ETHE1: variants seen among roughly 807,000 people sequenced by gnomAD.
ETHE1 encodes persulfide dioxygenase ETHE1, mitochondrial.
A neutral mutation model predicts 25.7 loss-of-function variants in ETHE1; 16 were observed. That is an observed-to-expected ratio of 0.62 (90% CI 0.42 to 0.95). The LOEUF (loss-of-function observed/expected upper bound fraction) is 0.95, where lower values mean the gene tolerates loss of function less well. Among genes scored for constraint, ETHE1 ranks in the 40% least tolerant of loss-of-function variants. The pLI, the probability that ETHE1 is intolerant of heterozygous loss-of-function variation, is 0.00. For synonymous variants in ETHE1, 139 were observed against 135.9 expected (o/e 1.02, Z -0.16); for missense variants, 300 against 333.6 (o/e 0.90, Z 0.79).
chr19:43,515,611 G>A (rs1972004108), intron 3 of ETHE1, among the ~76,000 whole-genome samples: 1 of 152,024 alleles, frequency 6.6e-6, no homozygotes, highest in African/African-American at 2.4e-5. Context: ...GTCTGGCTCT[G>A]TCACCCAGAC....
intron 3 of ETHE1, among the ~76,000 whole-genome samples, chr19:43,521,727 G>A (rs1972142733): frequency 6.6e-6 from 1 of 151,582 alleles, no homozygotes; most frequent in Non-Finnish European, 1.5e-5. Context: ...ACTTAAATTT[G>A]TCCCATCTTT....
chr19:43,508,167 C>G, intron 5 of ETHE1, 107 bp from the exon 6 acceptor site: 1 of 1,526,414 alleles, frequency 6.6e-7, no homozygotes, highest in Non-Finnish European at 8.8e-7. Flanking sequence ...GGGGCTCTTC[C>G]CAGAATATTC....
chr19:43,508,668 G>A, intron 5 of ETHE1, 107 bp downstream of exon 5: 1 of 993,476 alleles, frequency 1.0e-6, no homozygotes, highest in South Asian at 1.4e-5. Context: ...TTTTTGGCCA[G>A]AGAAATTTCT....
intron 4 of ETHE1, among the ~76,000 whole-genome samples, chr19:43,509,247 A>G (rs1259748926): frequency 1.3e-5 from 2 of 152,200 alleles, no homozygotes; most frequent in Non-Finnish European, 2.9e-5. Context: ...CTGTAATCCT[A>G]GCACTTTGGG....
Position 43,527,083 on chromosome 19 carries a change from C to T in ETHE1, c.81+14G>A. ...AGTGCCCAGCAGTCCCCTCCTAGGT[C>T]CAGCCACCCGCACCTGCCGCAGGAG... On this transcript the variant is annotated intron_variant, in intron 1 of 6. Transcript: ENST00000292147. The T allele has an allele frequency of 1.3e-6, 2 of 1,550,060 alleles. No homozygotes were observed. Among genetic ancestry groups the T allele is most frequent in the Non-Finnish European group, 1.7e-6 (2 of 1,150,516 alleles).
At chr19:43,523,263 C>T (rs1354985457) in intron 3 of ETHE1, among the ~76,000 whole-genome samples, 3 of 152,026 alleles carry the variant, frequency 2.0e-5, no homozygotes, top group Admixed American at 6.6e-5. Flanking sequence ...GTTAACAACT[C>T]GGTTTTGTTT....
In ETHE1 at chr19:43,526,679, G is replaced by T. The variant is rs770274819; in HGVS notation, c.82-20C>A. 1 of 1,612,720 alleles carries T rather than the reference G, an allele frequency of 6.2e-7. No homozygotes were observed. The highest frequency in any genetic ancestry group is 8.5e-7 in the Non-Finnish European group (1 of 1,180,020). On this transcript the variant is annotated intron_variant, in intron 1 of 6. Transcript: ENST00000292147. ...GAACATCTGGGAACGGGGGACCCAG[G>T]TGAGGGCGCAGAACCGGACTTCCAC...
At chr19:43,508,909 G>T in intron 4 of ETHE1, 45 bp from the exon 5 acceptor site, 1 of 1,421,444 alleles carries the variant, frequency 7.0e-7, no homozygotes, top group Non-Finnish European at 9.8e-7. Flanking sequence ...CAGGACAGAA[G>T]ACTCTAACCC....
intron 6 of ETHE1, 44 bp from the exon 7 acceptor site, chr19:43,506,946 A>C (rs371701045): frequency 1.4e-5 from 22 of 1,602,496 alleles, no homozygotes; most frequent in Middle Eastern, 1.7e-4. Flanking sequence ...GCCTAGGTAG[A>C]GTTCCAGGCC....
rs1334886981 is a variant in ETHE1, at chr19:43,508,153, G to A, written c.596-93C>T. ...CCCAGGAGGCCTTGGGTGCCTCTCTGGCAGGGGCTCTTCCCAGAATATTCC... is the reference window on the plus strand; with the variant it reads ...CCCAGGAGGCCTTGGGTGCCTCTCTAGCAGGGGCTCTTCCCAGAATATTCC... On this transcript the variant is annotated intron_variant, in intron 5 of 6. Transcript: ENST00000292147. The A allele has an allele frequency of 3.8e-5, 59 of 1,569,032 alleles. No homozygotes were observed. In the East Asian group the frequency reaches 1.2e-3, roughly 32 times the overall value.
At chr19:43,525,159 A>G (rs998418460) in intron 3 of ETHE1, among the ~76,000 whole-genome samples, 2 of 152,018 alleles carry the variant, frequency 1.3e-5, no homozygotes, top group Admixed American at 6.6e-5. Context: ...AGAAAGAAAA[A>G]AAAAAAACAC....
chr19:43,507,356 T>G (rs555949256), intron 6 of ETHE1, among the ~76,000 whole-genome samples: 2 of 22,256 alleles, frequency 9.0e-5, no homozygotes, highest in Non-Finnish European at 1.7e-4. Flanking sequence ...AGGTCCCCAG[T>G]CCCTCCTCCC....
At chr19:43,526,799 C>T in intron 1 of ETHE1, 140 bp from the exon 2 acceptor site, 3 of 1,522,508 alleles carry the variant, frequency 2.0e-6, no homozygotes, top group Non-Finnish European at 2.7e-6. Flanking sequence ...AGTCGGGAGT[C>T]CGGAGCCCCA....
intron 3 of ETHE1, among the ~76,000 whole-genome samples, chr19:43,519,014 T>G (rs1388476937): frequency 1.0e-5 from 1 of 98,686 alleles, no homozygotes; most frequent in Non-Finnish European, 2.1e-5. Flanking sequence ...TTTTTTTTTT[T>G]TTTTTTTTTT....
intron 3 of ETHE1, among the ~76,000 whole-genome samples, chr19:43,512,296 GAC>G (rs1250262464): frequency 6.6e-6 from 1 of 152,180 alleles, no homozygotes; most frequent in Admixed American, 6.6e-5. Flanking sequence ...CTCAGAAGAA[GAC>G]AGAAAAATGT....
At chr19:43,518,999 G>GTTTTTTTTTTTTTTTTTTTTTTTTTT (rs71169253) in intron 3 of ETHE1, among the ~76,000 whole-genome samples, 2 of 91,012 alleles carry the variant, frequency 2.2e-5, no homozygotes, top group South Asian at 3.9e-4. Flanking sequence ...ATTTGTGCTT[G>GTTTTTTTTTTTTTTTTTTTTTTTTTT]TTTTTTTTTT....
chr19:43,512,306 T>C (rs1192193099), intron 3 of ETHE1, among the ~76,000 whole-genome samples: 1 of 152,016 alleles, frequency 6.6e-6, no homozygotes, highest in East Asian at 1.9e-4. Context: ...GACAGAAAAA[T>C]GTGGGAAAGT....
chr19:43,522,360 G>A (rs1972153046), intron 3 of ETHE1, among the ~76,000 whole-genome samples: 2 of 152,154 alleles, frequency 1.3e-5, no homozygotes, highest in South Asian at 2.1e-4. Flanking sequence ...AGGAGTTGGA[G>A]GCTGCAATGA....
rs562575291 is a variant in ETHE1 at position 43,513,341 on chromosome 19, A to G, written c.376-1775T>C. 3.9e-5 allele frequency among the ~76,000 whole-genome samples: 6 copies of G among 152,092 alleles called. No homozygotes were observed. In the East Asian group the frequency reaches 7.8e-4, roughly 20 times the overall value. On this transcript the variant is annotated intron_variant, in intron 3 of 6. Transcript: ENST00000292147. Reference sequence around the variant, plus strand: ...AGTGTTAGATCCACCGAGAGCTTGCACCATGTGCCTGGAAAAGCCACAGAT... The same window carrying G: ...AGTGTTAGATCCACCGAGAGCTTGCGCCATGTGCCTGGAAAAGCCACAGAT...
Sources: allele counts gnomAD v4.1 joint callset (sites outside exome capture counted in the v4.1 genomes callset), GRCh38; gene constraint gnomAD v4.1.1; transcripts MANE v1.5; gene names NCBI Gene and HGNC (gene_info 2026-07-23, HGNC 2026-07-21).